Variants in CCP110 observed in about 807,000 individuals in gnomAD.
CCP110 encodes the protein centriolar coiled-coil protein of 110 kDa.
In CCP110, 43 loss-of-function variants were observed where a neutral mutation model predicts 105.5. The ratio of observed to expected loss-of-function variants is 0.41; its 90% confidence interval spans 0.32 to 0.53. The LOEUF (loss-of-function observed/expected upper bound fraction) is 0.53, where lower values mean the gene tolerates loss of function less well. Among genes scored for constraint, CCP110 ranks in the 20% least tolerant of loss-of-function variants. The pLI is 0.32. For synonymous variants in CCP110, 353 were observed against 392.1 expected, an observed-to-expected ratio of 0.90 and a Z score of 1.18; for missense variants, 1,016 against 1,189.1, an observed-to-expected ratio of 0.85 and a Z score of 2.14.
At chr16:19,535,035 C>G (rs1970002541) in intron 3 of CCP110, among the ~76,000 whole-genome samples, 2 of 152,026 alleles carry the variant, frequency 1.3e-5, no homozygotes, top group African/African-American at 4.8e-5. Flanking sequence ...TGCCCACCAC[C>G]AAGCCCAGCT....
Position 19,547,950 on chromosome 16 carries a change from A to G in CCP110, c.2841-5A>G. 6.2e-7 allele frequency: 1 copy of G among 1,602,804 alleles called. No individual in the cohort carries two copies. The highest frequency in any genetic ancestry group is 8.5e-7 in the Non-Finnish European group (1 of 1,170,016). ...AAATTAATTTTTCATTTAATTTGTC[A>G]ACAGAGTCCTTCAGCCAAACCAAGG... On this transcript the variant is annotated splice_polypyrimidine_tract_variant and splice_region_variant and intron_variant, in intron 12 of 14. Coordinates refer to ENST00000381396, the Ensembl canonical transcript of CCP110.
In CCP110 at chr16:19,536,243, T is replaced by A. The variant is rs775384062; in HGVS notation, c.574T>A (p.Ser192Thr). ...AAATGAAGCTTTTCCAAAGACCTCT[T>A]CAGCAACCCCACAAGAAACTCTTAT... The change falls in exon 4 of 15, where the codon TCA (serine) becomes ACA (threonine). Residue 192 changes from serine to threonine, a missense_variant. Transcript: ENST00000381396. The A allele has an allele frequency of 2.5e-6, 4 of 1,613,842 alleles. No individual in the cohort carries two copies. In the South Asian group the frequency reaches 4.4e-5, roughly 18 times the overall value.
At chr16:19,551,528 G>A in exon 15 of CCP110, 1 of 370,650 alleles carries the variant, frequency 2.7e-6, no homozygotes. Flanking sequence ...ATGCCCAGAT[G>A]TCTACAGAGA....
At chr16:19,551,470 A>T in exon 15 of CCP110, 1 of 577,764 alleles carries the variant, frequency 1.7e-6, no homozygotes, top group Non-Finnish European at 3.1e-6. Flanking sequence ...AGTGTTTAGT[A>T]ATTGCATCAT....
chr16:19,537,223 C>T (rs778206968), exon 4 of CCP110: 2 of 1,614,134 alleles, frequency 1.2e-6, no homozygotes, highest in South Asian at 2.2e-5. Context: ...CAAGTCCAAA[C>T]TTTGGAACTG....
At chr16:19,530,362 C>T (rs1435881422) in intron 2 of CCP110, among the ~76,000 whole-genome samples, 3 of 151,932 alleles carry the variant, frequency 2.0e-5, no homozygotes, top group Non-Finnish European at 4.4e-5. Flanking sequence ...GTTTGATAAA[C>T]AGGTTAAAGA....
intron 4 of CCP110, 87 bp from the exon 5 acceptor site, chr16:19,540,570 T>C (rs1287341055): frequency 1.8e-6 from 2 of 1,134,482 alleles, no homozygotes; most frequent in Non-Finnish European, 2.6e-6. Context: ...TACTCTCTTG[T>C]CAGAAGGATA....
intron 2 of CCP110, among the ~76,000 whole-genome samples, chr16:19,530,827 G>T (rs978058902): frequency 1.3e-5 from 2 of 152,086 alleles, no homozygotes; most frequent in African/African-American, 4.8e-5. Context: ...GATGGTGGGT[G>T]CCTGTAATCC....
At chr16:19,532,731 T>C (rs1969918737) in intron 3 of CCP110, among the ~76,000 whole-genome samples, 187 bp downstream of exon 3, 2 of 152,262 alleles carry the variant, frequency 1.3e-5, no homozygotes, top group South Asian at 2.1e-4. Flanking sequence ...TTGTTAGTAA[T>C]GCCCAGTACT....
exon 9 of CCP110, chr16:19,544,808 A>G: frequency 6.4e-7 from 1 of 1,551,096 alleles, no homozygotes; most frequent in Non-Finnish European, 8.9e-7. Context: ...ATACTATGGA[A>G]TTCATAAGAA....
chr16:19,549,206 T>C (rs1338918499), intron 14 of CCP110, among the ~76,000 whole-genome samples: 2 of 152,238 alleles, frequency 1.3e-5, no homozygotes, highest in African/African-American at 4.8e-5. Flanking sequence ...TGCTTTAATA[T>C]TTTTTAGGTA....
At chr16:19,547,872 C>T in intron 12 of CCP110, 83 bp from the exon 13 acceptor site, 1 of 946,500 alleles carries the variant, frequency 1.1e-6, no homozygotes, top group Non-Finnish European at 1.7e-6. Context: ...ACCTTACAGT[C>T]ATCATCTTTC....
intron 4 of CCP110, among the ~76,000 whole-genome samples, chr16:19,539,971 T>A (rs1043662656): frequency 6.6e-5 from 10 of 151,010 alleles, no homozygotes; most frequent in African/African-American, 2.4e-4. Flanking sequence ...TCAGTAGAGA[T>A]TCGGTTTCAC....
At chr16:19,544,983 A>G (rs1029191962) in intron 9 of CCP110, 85 bp downstream of exon 9, 15 of 997,472 alleles carry the variant, frequency 1.5e-5, no homozygotes, top group South Asian at 1.2e-4. Context: ...ATAGGTTTCA[A>G]TGAAAACTAT....
rs11307724 is a variant in CCP110, at chr16:19,539,370, A to AT, written c.1919-1275dup. Among the ~76,000 whole-genome samples, 114 of 143,452 alleles carry AT rather than the reference A, an allele frequency of 7.9e-4. 3 individuals carry two copies. In the South Asian group the frequency reaches 0.012, roughly 15 times the overall value. 94.1% of individuals were successfully genotyped at this position (143,452 alleles called of 152,430 possible). On this transcript the variant is annotated intron_variant, in intron 4 of 14. Coordinates refer to ENST00000381396, the Ensembl canonical transcript of CCP110. The stretch of plus-strand genomic sequence containing the variant: ...ACCTGTGCAACTTTTTTTTTTTTTA[A>AT]TTTTTTTTTTTTGAGACAGGGTCTT...
At chr16:19,541,553 A>T (rs7199035) in intron 5 of CCP110, among the ~76,000 whole-genome samples, 1 of 150,442 alleles carries the variant, frequency 6.6e-6, no homozygotes, top group East Asian at 2.0e-4. Context: ...TTGAACCCGC[A>T]AGGTGGAGAT....
intron 5 of CCP110, 48 bp downstream of exon 5, chr16:19,540,835 G>A: frequency 3.2e-6 from 5 of 1,579,038 alleles, no homozygotes; most frequent in Middle Eastern, 3.4e-4. Context: ...ATTTAGCCAA[G>A]GATACCTATG....
intron 8 of CCP110, 77 bp from the exon 9 acceptor site, chr16:19,544,720 G>A: frequency 1.3e-6 from 1 of 780,216 alleles, no homozygotes; most frequent in East Asian, 2.5e-5. Context: ...GATTGACTGA[G>A]AAAAAGAAAA....
chr16:19,546,224 A>G (rs1031322048), intron 11 of CCP110, 188 bp from the exon 12 acceptor site: 3 of 522,064 alleles, frequency 5.7e-6, no homozygotes, highest in African/African-American at 3.9e-5. Flanking sequence ...AATGGGAAAA[A>G]TATCTTAATA....
Sources: gnomAD v4.1 joint callset for allele counts (sites outside exome capture counted in the v4.1 genomes callset) on GRCh38, gnomAD v4.1.1 for gene constraint, MANE v1.5 for transcripts, NCBI Gene and HGNC (gene_info 2026-07-23, HGNC 2026-07-21) for gene names.